The following VPS8 variants were observed in gnomAD, a reference collection of about 807,000 sequenced individuals.
VPS8 encodes the protein VPS8 subunit of CORVET complex.
VPS8 carries 129 observed loss-of-function variants against 216.4 expected under a neutral mutation model. The observed-to-expected ratio is 0.60, with a 90% CI of 0.52 to 0.69. VPS8 has a LOEUF of 0.69. Ranked by LOEUF, VPS8 falls within the 30% of genes least tolerant of loss-of-function variation. VPS8 has a pLI of 0.00. For missense variants in VPS8, 1,531 were observed against 1,683.5 expected, an observed-to-expected ratio of 0.91 and a Z score of 1.59; for synonymous variants, 571 against 565.4, an observed-to-expected ratio of 1.01 and a Z score of -0.14.
At chr3:184,872,178 A>G (rs537627183) in intron 21 of VPS8, among the ~76,000 whole-genome samples, 17 of 152,142 alleles carry the variant, frequency 1.1e-4, no homozygotes, top group Non-Finnish European at 2.4e-4. Flanking sequence ...ACAAGAATAT[A>G]CCTATCACCA....
At chr3:184,913,347 G>GA (rs1736913693) in intron 25 of VPS8, among the ~76,000 whole-genome samples, 172 bp from the exon 26 acceptor site, 1 of 152,120 alleles carries the variant, frequency 6.6e-6, no homozygotes, top group Non-Finnish European at 1.5e-5. Flanking sequence ...TCTGTGACAA[G>GA]AATCTAATGG....
At chr3:184,898,414 A>C in intron 23 of VPS8, 151 bp from the exon 24 acceptor site, 1 of 667,074 alleles carries the variant, frequency 1.5e-6, no homozygotes, top group Non-Finnish European at 2.6e-6. Context: ...TTACCCTTGC[A>C]TTGTGTTTGA....
At chr3:185,004,523 A>ACCGCG (rs1441302155) in intron 45 of VPS8, among the ~76,000 whole-genome samples, 2 of 50,098 alleles carry the variant, frequency 4.0e-5, no homozygotes, top group African/African-American at 8.0e-5. Context: ...GGAGAGGGAG[A>ACCGCG]GGGAGAGCTC....
At chr3:184,838,985 C>T (rs1721618573) in intron 6 of VPS8, 1 of 406,202 alleles carries the variant, frequency 2.5e-6, no homozygotes. Context: ...TTAGCCTTCT[C>T]CAGGTTTATT....
At position 184,964,483 on chromosome 3, in the gene VPS8, C is replaced by G. The variant is rs1747057924; in HGVS notation, c.3199C>G (p.Gln1067Glu). 2 of 1,504,528 alleles carry G rather than the reference C, an allele frequency of 1.3e-6. No individual in the cohort carries two copies. The highest frequency in any genetic ancestry group is 1.3e-5 in the South Asian group (1 of 75,424). The allele number at this position is 1,504,528 out of a possible 1,614,324, so 93.2% of individuals were successfully genotyped here. The change falls in exon 38 of 48, where the codon CAA becomes GAA. Residue 1067 changes from glutamine (Q) to glutamate (E), a missense_variant. Physicochemically the swap from Gln to Glu is conservative, Grantham distance 29. Transcript: ENST00000625842. ...TATTTCCTAGATTACTCAGAAGTAT[C>G]AACTTCATGAAGTCACCGCTTATCT... is the stretch of plus-strand genomic sequence containing the variant. The part of the protein sequence containing the change: ...EETIQITQKY[Q>E]LHEVTAYLLE...
chr3:184,922,704 C>A (rs1440041277), intron 29 of VPS8, among the ~76,000 whole-genome samples: 1 of 151,950 alleles, frequency 6.6e-6, no homozygotes, highest in Non-Finnish European at 1.5e-5. Context: ...TTAAAGTGTA[C>A]TTGTGAGGGA....
chr3:185,022,876 G>C (rs940458912), intron 45 of VPS8, among the ~76,000 whole-genome samples: 5 of 151,926 alleles, frequency 3.3e-5, no homozygotes, highest in African/African-American at 1.2e-4. Flanking sequence ...TCCCTAAATT[G>C]GAAATTTGGA....
chr3:184,976,902 T>C (rs1030895825), intron 40 of VPS8, among the ~76,000 whole-genome samples: 1 of 152,160 alleles, frequency 6.6e-6, no homozygotes, highest in Admixed American at 6.5e-5. Context: ...TTTGCTATTG[T>C]GATAGTGCTG....
At chr3:184,822,475 TTTTCC>T (rs1171098643) in intron 1 of VPS8, among the ~76,000 whole-genome samples, 12 of 152,334 alleles carry the variant, frequency 7.9e-5, no homozygotes, top group African/African-American at 2.9e-4. Context: ...GAAAAAATTG[TTTTCC>T]TTTCTGAGTT....
Position 184,868,999 on chromosome 3 carries a change from G to A in VPS8, c.1560G>A (p.Ala520=), listed in dbSNP as rs184741923. ...QDCLTEALAL[A]WSFHEGKAKA... is the part of the protein sequence containing the mutation. ...GTCTTACAGAAGCGTTGGCTCTTGC[G>A]TGGTCTTTCCATGAAGGAAAAGCAA... Residue 520 remains alanine, a synonymous_variant, in exon 19 of 48, where the codon GCG becomes GCA. Coordinates refer to ENST00000625842, the MANE Select transcript of VPS8 (RefSeq NM_001009921.3). The A allele has an allele frequency of 2.6e-4, 417 of 1,610,460 alleles. No individual in the cohort carries two copies. Among genetic ancestry groups the A allele is most frequent in the Non-Finnish European group, 2.0e-4 (231 of 1,178,456 alleles).
At chr3:185,033,778 C>A (rs1412692694) in intron 46 of VPS8, among the ~76,000 whole-genome samples, 2 of 152,210 alleles carry the variant, frequency 1.3e-5, no homozygotes, top group Non-Finnish European at 2.9e-5. Flanking sequence ...TCCTCACCAG[C>A]ATTTGGTGTT....
At chr3:184,956,001 T>C (rs1197745901) in intron 36 of VPS8, among the ~76,000 whole-genome samples, 1 of 152,132 alleles carries the variant, frequency 6.6e-6, no homozygotes, top group Admixed American at 6.5e-5. Flanking sequence ...CTTTGGAATT[T>C]ATAGCCAATT....
chr3:184,935,457 A>G (rs1310944297), intron 34 of VPS8, among the ~76,000 whole-genome samples: 1 of 152,202 alleles, frequency 6.6e-6, no homozygotes, highest in Non-Finnish European at 1.5e-5. Flanking sequence ...TACATTGTGA[A>G]TGTTGCAGTC....
chr3:184,968,309 CT>C (rs144270833), intron 39 of VPS8, among the ~76,000 whole-genome samples: 2,268 of 152,258 alleles, frequency 0.015, 29 homozygotes, highest in Middle Eastern at 0.031. Flanking sequence ...GCCACTTCCA[CT>C]TTTTGTCTAT....
chr3:184,995,280 T>C (rs1752469302), intron 43 of VPS8, among the ~76,000 whole-genome samples: 1 of 152,012 alleles, frequency 6.6e-6, no homozygotes, highest in African/African-American at 2.4e-5. Context: ...CAATGTCTGC[T>C]TTTTTTTAAG....
intron 45 of VPS8, among the ~76,000 whole-genome samples, chr3:185,009,443 G>C (rs1754699633): frequency 6.6e-6 from 1 of 152,142 alleles, no homozygotes; most frequent in Non-Finnish European, 1.5e-5. Flanking sequence ...GATGTGAGGA[G>C]ACAGATACTT....
intron 13 of VPS8, among the ~76,000 whole-genome samples, chr3:184,854,875 AATC>A (rs1724958805): frequency 1.3e-5 from 2 of 152,120 alleles, no homozygotes; most frequent in Admixed American, 1.3e-4. Flanking sequence ...TCAGAGTTGT[AATC>A]TTCCAATGTA....
intron 45 of VPS8, among the ~76,000 whole-genome samples, chr3:185,009,146 G>A (rs954797917): frequency 3.3e-5 from 5 of 152,094 alleles, no homozygotes; most frequent in African/African-American, 1.2e-4. Context: ...CTTTGATGCA[G>A]AAAAATCTTC....
chr3:184,888,723 G>T (rs1208032258), intron 22 of VPS8, among the ~76,000 whole-genome samples: 2 of 152,142 alleles, frequency 1.3e-5, no homozygotes, highest in Non-Finnish European at 2.9e-5. Context: ...TTCAAATTGA[G>T]ATAATTTATA....
Sources: allele counts gnomAD v4.1 joint callset (sites outside exome capture counted in the v4.1 genomes callset), GRCh38; gene constraint gnomAD v4.1.1; transcripts MANE v1.5; gene names NCBI Gene and HGNC (gene_info 2026-07-23, HGNC 2026-07-21).